Variants in GALNT16 observed in about 807,000 individuals in gnomAD.
The protein encoded by GALNT16 is UDP-GalNAc:polypeptide N-acetylgalactosaminyltransferase-like protein 1.
Under a neutral mutation model 76.1 loss-of-function variants are expected in GALNT16, and 40 were observed. The observed-to-expected ratio is 0.53, with a 90% CI of 0.41 to 0.68. The LOEUF (loss-of-function observed/expected upper bound fraction) is 0.68, where lower values mean the gene tolerates loss of function less well. Ranked by LOEUF, GALNT16 falls within the 30% of genes least tolerant of loss-of-function variation. The probability of loss-of-function intolerance (pLI) is 0.00; values close to 1 mark genes in which losing one functional copy is unlikely to be tolerated. For missense variants in GALNT16, 621 were observed against 731.9 expected (o/e 0.85, Z 1.75); for synonymous variants, 276 against 285.2 (o/e 0.97, Z 0.32).
At chr14:69,266,275 A>G (rs563963601) in intron 1 of GALNT16, among the ~76,000 whole-genome samples, 1 of 152,364 alleles carries the variant, frequency 6.6e-6, no homozygotes, top group African/African-American at 2.4e-5. Flanking sequence ...GTAGGGAGGT[A>G]GGATTATGGG....
the GALNT16 span, among the ~76,000 whole-genome samples, chr14:69,385,641 TA>T: frequency 3.3e-5 from 3 of 90,970 alleles, no homozygotes; most frequent in Non-Finnish European, 7.1e-5. Context: ...ATTCTTTAAA[TA>T]AAAAAAAGGA....
At chr14:69,310,165 T>C (rs8007007) in intron 1 of GALNT16, among the ~76,000 whole-genome samples, 6,301 of 152,228 alleles carry the variant, frequency 0.041, 186 homozygotes, top group Non-Finnish European at 0.064. Context: ...CAGGTACTAC[T>C]AGTATAGTAG....
chr14:69,286,652 T>G (rs12890931), intron 1 of GALNT16, among the ~76,000 whole-genome samples: 64,803 of 151,970 alleles, frequency 0.43, 14,331 homozygotes, highest in East Asian at 0.62. Flanking sequence ...TCCTACTTAA[T>G]AATATGCATG....
intron 1 of GALNT16, among the ~76,000 whole-genome samples, chr14:69,294,773 G>T (rs2044732939): frequency 6.6e-6 from 1 of 152,074 alleles, no homozygotes; most frequent in East Asian, 1.9e-4. Flanking sequence ...TTTAAAGAGG[G>T]GAGTCTCATC....
intron 1 of GALNT16, among the ~76,000 whole-genome samples, chr14:69,284,716 G>C (rs2044587231): frequency 6.6e-6 from 1 of 152,114 alleles, no homozygotes; most frequent in African/African-American, 2.4e-5. Context: ...GATATGGTTT[G>C]GCTGTGTCCC....
chr14:69,338,868 C>G lies in GALNT16; in HGVS notation c.1094+91C>G. 1.3e-5 allele frequency: 13 copies of G among 1,023,822 alleles called. 1 individual carries two copies. The South Asian group carries it at 1.8e-4, about 14-fold the overall frequency. The allele number at this position is 1,023,822 out of a possible 1,614,324, so 63.4% of individuals were successfully genotyped here. The stretch of plus-strand genomic sequence containing the variant: ...CCAGTTATCACTATGTGACTGTGGG[C>G]AGCCACCTCACTTCTTGGGCCTCAG... On this transcript the variant is annotated intron_variant, in intron 10 of 14. Coordinates refer to ENST00000448469, the MANE Select transcript of GALNT16 (RefSeq NM_001168368.2).
At chr14:69,313,943 C>T (rs1444537962) in intron 1 of GALNT16, among the ~76,000 whole-genome samples, 2 of 152,206 alleles carry the variant, frequency 1.3e-5, no homozygotes, top group South Asian at 2.1e-4. Flanking sequence ...TTCCAAGATC[C>T]TGTGATTAGC....
intron 12 of GALNT16, among the ~76,000 whole-genome samples, chr14:69,343,746 C>T (rs1566888935): frequency 6.6e-6 from 1 of 152,160 alleles, no homozygotes; most frequent in Non-Finnish European, 1.5e-5. Context: ...TGGGGGAGGC[C>T]TGGGAATGCC....
At chr14:69,361,261 T>C (rs549444006), downstream of GALNT16, among the ~76,000 whole-genome samples, 5 of 152,218 alleles carry the variant, frequency 3.3e-5, no homozygotes, top group Non-Finnish European at 5.9e-5. Flanking sequence ...GTCCTGTCAG[T>C]CACTGACCAA....
At chr14:69,344,203 C>G (rs2045532678) in intron 12 of GALNT16, among the ~76,000 whole-genome samples, 1 of 152,196 alleles carries the variant, frequency 6.6e-6, no homozygotes, top group Admixed American at 6.5e-5. Flanking sequence ...TGCCCCTTCT[C>G]CAGGTTAGAG....
At chr14:69,377,804 C>CAAAAAAAA in the GALNT16 span, among the ~76,000 whole-genome samples, 121 of 37,484 alleles carry the variant, frequency 3.2e-3, 2 homozygotes, top group East Asian at 9.6e-3. Context: ...GAGACTGTCT[C>CAAAAAAAA]AAAAAAAAAA....
intron 7 of GALNT16, among the ~76,000 whole-genome samples, chr14:69,332,284 T>C (rs767414201): frequency 9.2e-5 from 14 of 152,250 alleles, no homozygotes; most frequent in Non-Finnish European, 7.3e-5. Flanking sequence ...CCTTGCATTA[T>C]ATTTCTTTTG....
At chr14:69,285,676 C>T (rs552090678) in intron 1 of GALNT16, among the ~76,000 whole-genome samples, 2 of 152,246 alleles carry the variant, frequency 1.3e-5, no homozygotes, top group East Asian at 3.9e-4. Flanking sequence ...GGAGAAAGGG[C>T]CTGTTTGACC....
At chr14:69,366,226 T>G in the GALNT16 span, among the ~76,000 whole-genome samples, 1 of 152,210 alleles carries the variant, frequency 6.6e-6, no homozygotes, top group African/African-American at 2.4e-5. Flanking sequence ...TGCATGCCCA[T>G]GGGGGTTTCC....
chr14:69,381,546 T>C, the GALNT16 span, among the ~76,000 whole-genome samples: 1 of 152,172 alleles, frequency 6.6e-6, no homozygotes, highest in Non-Finnish European at 1.5e-5. Context: ...GCATTAGCAG[T>C]AAAACTCCAA....
At chr14:69,356,656 C>G (rs112120978), downstream of GALNT16, 9,152 of 149,332 alleles carry the variant, frequency 0.061, 314 homozygotes, top group Middle Eastern at 0.089. Flanking sequence ...CCTGGGTTCA[C>G]GCCATTCTCC....
Position 69,326,046 on chromosome 14 carries a change from G to A in GALNT16, c.568+19G>A, listed in dbSNP as rs1458914928. Reference sequence around the variant, plus strand: ...CGGGAAGGTGAGTCCTTGCACCCTGGGTCCCACCAAGGGCCCATCTTGGTG... The same window carrying A: ...CGGGAAGGTGAGTCCTTGCACCCTGAGTCCCACCAAGGGCCCATCTTGGTG... On this transcript the variant is annotated intron_variant, in intron 5 of 14. Coordinates refer to ENST00000448469, the MANE Select transcript of GALNT16 (RefSeq NM_001168368.2). The A allele has an allele frequency of 1.2e-6, 2 of 1,605,046 alleles. No individual in the cohort carries two copies. Among genetic ancestry groups the A allele is most frequent in the Non-Finnish European group, 1.7e-6 (2 of 1,172,090 alleles).
At chr14:69,332,093 A>G (rs150894382) in intron 7 of GALNT16, among the ~76,000 whole-genome samples, 126 of 152,372 alleles carry the variant, frequency 8.3e-4, no homozygotes, top group African/African-American at 2.8e-3. Flanking sequence ...CAGGTTACCC[A>G]GACTTAGTGT....
chr14:69,270,206 C>T (rs760167258), intron 1 of GALNT16, among the ~76,000 whole-genome samples: 1 of 152,066 alleles, frequency 6.6e-6, no homozygotes, highest in South Asian at 2.1e-4. Flanking sequence ...AGTAGGCACT[C>T]GTGCGGGGAG....
Sources: allele counts gnomAD v4.1 joint callset (sites outside exome capture counted in the v4.1 genomes callset), GRCh38; gene constraint gnomAD v4.1.1; transcripts MANE v1.5; gene names NCBI Gene and HGNC (gene_info 2026-07-23, HGNC 2026-07-21).